The following HPSE2 variants were observed in gnomAD, a reference collection of about 807,000 sequenced individuals.
The protein encoded by HPSE2 is inactive heparanase-2.
HPSE2 carries 38 observed loss-of-function variants against 60.5 expected under a neutral mutation model. The ratio of observed to expected loss-of-function variants is 0.63; its 90% confidence interval spans 0.48 to 0.82. The LOEUF is 0.82. HPSE2 is among the 40% of genes least tolerant of loss of function. The probability of loss-of-function intolerance (pLI) is 0.00; values close to 1 mark genes in which losing one functional copy is unlikely to be tolerated. For synonymous variants in HPSE2, 295 were observed against 293.2 expected (o/e 1.01, Z -0.06); for missense variants, 713 against 740.4 (o/e 0.96, Z 0.43).
chr10:99,267,001 G>A, the HPSE2 span, among the ~76,000 whole-genome samples: 9 of 152,114 alleles, frequency 5.9e-5, no homozygotes, highest in Admixed American at 1.3e-4. Context: ...TCTGAACAGC[G>A]GCCCTTGAGC....
chr10:98,729,225 A>G (rs951169750), intron 4 of HPSE2, among the ~76,000 whole-genome samples: 1 of 152,226 alleles, frequency 6.6e-6, no homozygotes, highest in African/African-American at 2.4e-5. Context: ...AGCAGAAATT[A>G]TCAGACTGAA....
chr10:99,002,709 C>G (rs899008776), intron 3 of HPSE2, among the ~76,000 whole-genome samples: 1 of 151,884 alleles, frequency 6.6e-6, no homozygotes, highest in Non-Finnish European at 1.5e-5. Context: ...AGGTAAATAT[C>G]TATAAAATAT....
intron 3 of HPSE2, among the ~76,000 whole-genome samples, chr10:98,962,911 A>G (rs1399645823): frequency 6.6e-6 from 1 of 152,210 alleles, no homozygotes; most frequent in Non-Finnish European, 1.5e-5. Flanking sequence ...ACAACTATGT[A>G]CATTTCTTAT....
At chr10:99,177,339 A>C (rs1179291116) in intron 2 of HPSE2, among the ~76,000 whole-genome samples, 7 of 152,154 alleles carry the variant, frequency 4.6e-5, no homozygotes, top group Non-Finnish European at 1.0e-4. Context: ...AACTGCATGG[A>C]GTCAAGACCC....
chr10:98,735,338 G>A lies in HPSE2; in HGVS notation c.784+8545C>T, dbSNP rs1466093737. ...ATAGAAGTCAAGAATTGAGGTTTGG[G>A]AGCCTCTGCCTAGATTTCAGAGGAT... On this transcript the variant is annotated intron_variant, in intron 4 of 11. Coordinates refer to ENST00000370552, the MANE Select transcript of HPSE2 (RefSeq NM_021828.5). 4.6e-5 allele frequency among the ~76,000 whole-genome samples: 3 copies of A among 65,874 alleles called. No homozygotes were observed. In the East Asian group the frequency reaches 9.9e-4, roughly 22 times the overall value. The allele number at this position is 65,874 out of a possible 152,430, so 43.2% of individuals were successfully genotyped here. A position where few individuals can be genotyped will look rare whatever the true frequency, so the allele number is the denominator to read the frequency against.
At chr10:98,641,104 T>C (rs1197256655) in intron 7 of HPSE2, among the ~76,000 whole-genome samples, 1 of 152,180 alleles carries the variant, frequency 6.6e-6, no homozygotes, top group African/African-American at 2.4e-5. Flanking sequence ...CTAAGACACC[T>C]AGGAACAGTG....
intron 4 of HPSE2, among the ~76,000 whole-genome samples, chr10:98,734,636 G>T (rs960316790): frequency 3.9e-5 from 6 of 151,952 alleles, no homozygotes; most frequent in Admixed American, 3.3e-4. Context: ...TCATGTACTT[G>T]CTTGTCATTT....
At chr10:99,132,395 C>A (rs1454868817) in intron 3 of HPSE2, among the ~76,000 whole-genome samples, 1 of 151,938 alleles carries the variant, frequency 6.6e-6, no homozygotes, top group Non-Finnish European at 1.5e-5. Flanking sequence ...ATTCAAGAAG[C>A]CTGAAATCCA....
chr10:99,229,591 T>C (rs1395609053), intron 2 of HPSE2, among the ~76,000 whole-genome samples: 3 of 152,176 alleles, frequency 2.0e-5, no homozygotes. Context: ...ATCATCATCA[T>C]CCACATGCTA....
chr10:99,152,791 C>T (rs1846326895), intron 2 of HPSE2, among the ~76,000 whole-genome samples: 2 of 152,192 alleles, frequency 1.3e-5, no homozygotes, highest in South Asian at 2.1e-4. Context: ...CAGCTCCCAG[C>T]GTGAGTGACG....
At chr10:98,558,679 A>G (rs541519) in intron 9 of HPSE2, among the ~76,000 whole-genome samples, 130,945 of 152,222 alleles carry the variant, frequency 0.86, 57,288 homozygotes, top group East Asian at 1. Context: ...CAGGGAACTG[A>G]ATACGTGGGC....
intron 3 of HPSE2, among the ~76,000 whole-genome samples, chr10:98,983,375 T>A (rs1388833667): frequency 1.3e-5 from 2 of 152,200 alleles, no homozygotes; most frequent in African/African-American, 2.4e-5. Context: ...TTTTGGTTGC[T>A]GTCGCTGCAG....
intron 2 of HPSE2, among the ~76,000 whole-genome samples, chr10:99,177,476 T>C (rs1847572993): frequency 6.6e-6 from 1 of 151,990 alleles, no homozygotes; most frequent in Non-Finnish European, 1.5e-5. Context: ...GCAATCCTAG[T>C]ATCTCATATA....
the HPSE2 span, among the ~76,000 whole-genome samples, chr10:99,252,387 T>C: frequency 6.6e-6 from 1 of 152,124 alleles, no homozygotes; most frequent in African/African-American, 2.4e-5. Context: ...AAACTATCTC[T>C]CTTTATGGAT....
At chr10:98,685,547 G>C (rs1282111736) in intron 6 of HPSE2, among the ~76,000 whole-genome samples, 2 of 152,124 alleles carry the variant, frequency 1.3e-5, no homozygotes, top group African/African-American at 2.4e-5. Flanking sequence ...TCAGCATATT[G>C]AGATTCATCC....
intron 2 of HPSE2, among the ~76,000 whole-genome samples, chr10:99,190,591 A>G (rs1390393026): frequency 6.6e-6 from 1 of 152,148 alleles, no homozygotes; most frequent in African/African-American, 2.4e-5. Flanking sequence ...AAATATTCTC[A>G]GGCCCAGACT....
chr10:98,624,516 G>A (rs747824058), intron 7 of HPSE2, among the ~76,000 whole-genome samples: 1 of 152,070 alleles, frequency 6.6e-6, no homozygotes, highest in Non-Finnish European at 1.5e-5. Context: ...TGAGTGTGAT[G>A]GAAAGCTATT....
intron 3 of HPSE2, among the ~76,000 whole-genome samples, chr10:99,008,661 A>G (rs1308006463): frequency 6.6e-6 from 1 of 152,238 alleles, no homozygotes; most frequent in Non-Finnish European, 1.5e-5. Context: ...AATTAGCATC[A>G]GATTTCTAAA....
intron 9 of HPSE2, among the ~76,000 whole-genome samples, chr10:98,603,329 G>C (rs946501638): frequency 2.0e-5 from 3 of 152,072 alleles, no homozygotes; most frequent in African/African-American, 7.2e-5. Flanking sequence ...TTACCTCCAG[G>C]AGCTCAACCA....
Sources: gnomAD v4.1 joint callset for allele counts (sites outside exome capture counted in the v4.1 genomes callset) on GRCh38, gnomAD v4.1.1 for gene constraint, MANE v1.5 for transcripts, NCBI Gene and HGNC (gene_info 2026-07-23, HGNC 2026-07-21) for gene names.